The following CENPW variants were observed in gnomAD, a reference collection of about 807,000 sequenced individuals.
The protein encoded by CENPW is centromere protein W.
Under a neutral mutation model 11.1 loss-of-function variants are expected in CENPW, and 3 were observed. The observed-to-expected ratio is 0.27, with a 90% CI of 0.12 to 0.70. CENPW has a LOEUF of 0.70. Among genes scored for constraint, CENPW ranks in the 30% least tolerant of loss-of-function variants. The probability of loss-of-function intolerance (pLI) is 0.77; values close to 1 mark genes in which losing one functional copy is unlikely to be tolerated. For synonymous variants in CENPW, 38 were observed against 42.0 expected, an observed-to-expected ratio of 0.91 and a Z score of 0.37; for missense variants, 100 against 105.6, an observed-to-expected ratio of 0.95 and a Z score of 0.23.
the CENPW span, among the ~76,000 whole-genome samples, chr6:126,360,851 C>T: frequency 6.6e-6 from 1 of 152,130 alleles, no homozygotes; most frequent in Non-Finnish European, 1.5e-5. Context: ...GATTGGGTCT[C>T]AACTTTCTGA....
chr6:126,371,772 G>T, the CENPW span, among the ~76,000 whole-genome samples: 1 of 151,984 alleles, frequency 6.6e-6, no homozygotes, highest in African/African-American at 2.4e-5. Flanking sequence ...TTATTGGTCC[G>T]TTCAGCGTTT....
the CENPW span, among the ~76,000 whole-genome samples, chr6:126,429,591 C>G: frequency 6.6e-6 from 1 of 152,166 alleles, no homozygotes; most frequent in East Asian, 1.9e-4. Context: ...CAGATGCCAG[C>G]CAGCACCATG....
chr6:126,419,844 A>G, the CENPW span, among the ~76,000 whole-genome samples: 1 of 152,124 alleles, frequency 6.6e-6, no homozygotes, highest in Non-Finnish European at 1.5e-5. Flanking sequence ...CTTTTCTCTT[A>G]TAAGAATCCT....
chr6:126,414,942 A>G, the CENPW span, among the ~76,000 whole-genome samples: 4 of 152,100 alleles, frequency 2.6e-5, no homozygotes, highest in African/African-American at 9.6e-5. Flanking sequence ...AATACAAAGG[A>G]TCATTAGCGA....
At chr6:126,439,320 A>G in the CENPW span, among the ~76,000 whole-genome samples, 1 of 151,800 alleles carries the variant, frequency 6.6e-6, no homozygotes, top group African/African-American at 2.4e-5. Flanking sequence ...CCTGTAGTTC[A>G]TCGTAGGGAT....
chr6:126,457,199 C>A, the CENPW span, among the ~76,000 whole-genome samples: 1 of 151,062 alleles, frequency 6.6e-6, no homozygotes, highest in African/African-American at 2.4e-5. Flanking sequence ...GGGTATATAC[C>A]AATATGGGAG....
the CENPW span, among the ~76,000 whole-genome samples, chr6:126,410,388 A>G: frequency 6.6e-6 from 1 of 152,074 alleles, no homozygotes; most frequent in Admixed American, 6.5e-5. Flanking sequence ...TTCCTTATAT[A>G]TGAATTGATA....
chr6:126,398,654 T>A, the CENPW span, among the ~76,000 whole-genome samples: 3 of 152,124 alleles, frequency 2.0e-5, no homozygotes, highest in Admixed American at 6.6e-5. Flanking sequence ...TTTGTAAGTG[T>A]ATTTTTTATT....
At chr6:126,443,629 A>G in the CENPW span, among the ~76,000 whole-genome samples, 1 of 151,162 alleles carries the variant, frequency 6.6e-6, no homozygotes, top group African/African-American at 2.4e-5. Context: ...TATTTTCTAT[A>G]TTCTCTTTTC....
chr6:126,435,397 G>T, the CENPW span, among the ~76,000 whole-genome samples: 2 of 151,680 alleles, frequency 1.3e-5, no homozygotes, highest in Admixed American at 6.6e-5. Flanking sequence ...CTATTAAAAG[G>T]TTATTTAGTC....
chr6:126,400,772 A>G, the CENPW span, among the ~76,000 whole-genome samples: 4 of 151,856 alleles, frequency 2.6e-5, no homozygotes, highest in East Asian at 3.9e-4. Context: ...CTGTTGACCT[A>G]TATATGAGTT....
At chr6:126,395,702 C>A in the CENPW span, among the ~76,000 whole-genome samples, 69 of 152,196 alleles carry the variant, frequency 4.5e-4, no homozygotes, top group African/African-American at 1.5e-3. Flanking sequence ...TCCAGGTATT[C>A]AAAGGGACTT....
chr6:126,360,003 G>A, the CENPW span, among the ~76,000 whole-genome samples: 1 of 152,086 alleles, frequency 6.6e-6, no homozygotes, highest in Non-Finnish European at 1.5e-5. Flanking sequence ...ACTTGATTGT[G>A]TAGGTGCTTT....
At chr6:126,479,307 A>G in the CENPW span, among the ~76,000 whole-genome samples, 1 of 151,718 alleles carries the variant, frequency 6.6e-6, no homozygotes, top group African/African-American at 2.4e-5. Flanking sequence ...TTTATCTACA[A>G]CTCAGATCTC....
the CENPW span, among the ~76,000 whole-genome samples, chr6:126,408,028 T>C: frequency 6.6e-6 from 1 of 152,156 alleles, no homozygotes; most frequent in African/African-American, 2.4e-5. Flanking sequence ...TGAATGGTAT[T>C]TGCCTAGATT....
chr6:126,405,685 T>C, the CENPW span, among the ~76,000 whole-genome samples: 2 of 152,038 alleles, frequency 1.3e-5, no homozygotes, highest in African/African-American at 2.4e-5. Flanking sequence ...CTTTAATTGG[T>C]TTTTTATAGT....
the CENPW span, among the ~76,000 whole-genome samples, chr6:126,464,883 C>A: frequency 2.6e-5 from 4 of 152,078 alleles, no homozygotes; most frequent in African/African-American, 9.7e-5. Flanking sequence ...AACACAGGCA[C>A]CTATGGAAAA....
intron 2 of CENPW, among the ~76,000 whole-genome samples, chr6:126,346,715 A>G (rs1339372886): frequency 6.6e-6 from 1 of 152,138 alleles, no homozygotes; most frequent in Admixed American, 6.6e-5. Context: ...AAGGAAAGAG[A>G]ACTCACTCAC....
the CENPW span, among the ~76,000 whole-genome samples, chr6:126,375,417 GAA>G: frequency 2.0e-5 from 3 of 152,132 alleles, no homozygotes; most frequent in Non-Finnish European, 4.4e-5. Flanking sequence ...ATTCTGTGTT[GAA>G]AAAACTATAG....
Sources: allele counts gnomAD v4.1 joint callset (sites outside exome capture counted in the v4.1 genomes callset), GRCh38; gene constraint gnomAD v4.1.1; transcripts MANE v1.5; gene names NCBI Gene and HGNC (gene_info 2026-07-23, HGNC 2026-07-21).